Variants in EIPR1 observed in about 807,000 individuals in gnomAD.
EIPR1 encodes EARP and GARP complex-interacting protein 1.
EIPR1 carries 25 observed loss-of-function variants against 48.1 expected under a neutral mutation model. The observed-to-expected ratio is 0.52, with a 90% CI of 0.38 to 0.73. The LOEUF (loss-of-function observed/expected upper bound fraction) is 0.73, where lower values mean the gene tolerates loss of function less well. Ranked by LOEUF, EIPR1 falls within the 30% of genes least tolerant of loss-of-function variation. The probability of loss-of-function intolerance (pLI) is 0.00; values close to 1 mark genes in which losing one functional copy is unlikely to be tolerated. For synonymous variants in EIPR1, 204 were observed against 201.9 expected (o/e 1.01, Z -0.09); for missense variants, 415 against 506.2 (o/e 0.82, Z 1.73).
At chr2:3,275,500 T>G (rs1667820800) in intron 3 of EIPR1, among the ~76,000 whole-genome samples, 1 of 152,130 alleles carries the variant, frequency 6.6e-6, no homozygotes, top group African/African-American at 2.4e-5. Context: ...TATAAAAGAT[T>G]CAAACACAAC....
At chr2:3,215,337 G>C (rs1665594827) in intron 4 of EIPR1, among the ~76,000 whole-genome samples, 1 of 152,220 alleles carries the variant, frequency 6.6e-6, no homozygotes. Flanking sequence ...TACTGGACGA[G>C]ATGGGAGGAC....
In EIPR1 at chr2:3,304,598, A is replaced by G. The variant is rs796617364; in HGVS notation, c.259+33419T>C. Reference sequence around the variant, plus strand: ...CAGCCCTCCAATCCCGTCCAGTTCAACCTTCCACTCCCGTCCAATTCAGCC... The same window carrying G: ...CAGCCCTCCAATCCCGTCCAGTTCAGCCTTCCACTCCCGTCCAATTCAGCC... On this transcript the variant is annotated intron_variant, in intron 3 of 8. Transcript: ENST00000382125. Among the ~76,000 whole-genome samples the G allele has an allele frequency of 7.0e-4, 4 of 5,754 alleles. 1 individual carries two copies. Among genetic ancestry groups the G allele is most frequent in the Non-Finnish European group, 1.4e-3 (4 of 2,942 alleles). The allele number at this position is 5,754 out of a possible 152,430, so 3.8% of individuals were successfully genotyped here. A position where few individuals can be genotyped will look rare whatever the true frequency, so the allele number is the denominator to read the frequency against.
At chr2:3,343,768 GCCGAGTACAGAGCTGTGGGGCCGGGCCA>G (rs1403411247) in intron 2 of EIPR1, among the ~76,000 whole-genome samples, 4 of 152,324 alleles carry the variant, frequency 2.6e-5, no homozygotes, top group African/African-American at 4.8e-5. Flanking sequence ...GGGCCAGGCT[GCCGAGTACAGAGCTGTGGGGCCGGGCCA>G]CCGAGTACAG....
intron 3 of EIPR1, among the ~76,000 whole-genome samples, chr2:3,323,246 G>C (rs1010499218): frequency 6.6e-6 from 1 of 152,126 alleles, no homozygotes; most frequent in Non-Finnish European, 1.5e-5. Context: ...GGCTCAAGAC[G>C]TGGAATCCCC....
chr2:3,272,355 G>C (rs189960716), intron 3 of EIPR1, among the ~76,000 whole-genome samples: 67 of 152,320 alleles, frequency 4.4e-4, no homozygotes, highest in African/African-American at 1.5e-3. Context: ...GCAAGGCCCG[G>C]CTCTTGGTCT....
chr2:3,287,754 T>C (rs1315509469), intron 3 of EIPR1, among the ~76,000 whole-genome samples: 7 of 150,786 alleles, frequency 4.6e-5, no homozygotes, highest in African/African-American at 1.7e-4. Flanking sequence ...TCATTCACTA[T>C]GCTCCAGAAA....
Position 3,214,163 on chromosome 2 carries a change from A to G in EIPR1, c.502T>C (p.Ser168Pro), listed in dbSNP as rs1290504535. 6.2e-7 allele frequency: 1 copy of G among 1,613,790 alleles called. No individual in the cohort carries two copies. The highest frequency in any genetic ancestry group is 8.5e-7 in the Non-Finnish European group (1 of 1,179,816). Residue 168 changes from serine (S) to proline (P), a missense_variant, in exon 5 of 9, where the codon TCG becomes CCG. Coordinates refer to ENST00000382125, the MANE Select transcript of EIPR1 (RefSeq NM_003310.5). ...CTTTTACTTACCACAGCCTGGCTCG[A>G]GCTTTCCTGTAAATCCCACAGCAGG... ...HILLWDLQES[S>P]SQAVLASSAS...
At chr2:3,208,039 A>G (rs1665295690) in intron 5 of EIPR1, 1 of 153,896 alleles carries the variant, frequency 6.5e-6, no homozygotes, top group African/African-American at 2.4e-5. Context: ...TAAAGCTGAC[A>G]TTTATTTTAA....
chr2:3,353,520 G>C (rs1558316564), intron 2 of EIPR1, among the ~76,000 whole-genome samples: 1 of 152,196 alleles, frequency 6.6e-6, no homozygotes, highest in Non-Finnish European at 1.5e-5. Flanking sequence ...GGAAGTGTAT[G>C]AATCTGCCAT....
At chr2:3,317,147 C>T (rs1462684766) in intron 3 of EIPR1, among the ~76,000 whole-genome samples, 1 of 149,294 alleles carries the variant, frequency 6.7e-6, no homozygotes, top group Non-Finnish European at 1.5e-5. Flanking sequence ...GCCCCAGGAG[C>T]GCATGAGGCA....
intron 5 of EIPR1, among the ~76,000 whole-genome samples, chr2:3,198,697 G>A (rs13001207): frequency 0.86 from 131,004 of 152,108 alleles, 56,906 homozygotes; most frequent in Middle Eastern, 0.92. Flanking sequence ...CCCGTGAGCC[G>A]TAAAACCAGC....
At chr2:3,354,149 T>C (rs1204244845) in intron 2 of EIPR1, among the ~76,000 whole-genome samples, 1 of 152,160 alleles carries the variant, frequency 6.6e-6, no homozygotes, top group Non-Finnish European at 1.5e-5. Context: ...TCAAGTGGCC[T>C]GGGTCAAGTA....
intron 3 of EIPR1, among the ~76,000 whole-genome samples, chr2:3,280,015 TC>T (rs2103258178): frequency 6.6e-6 from 1 of 152,340 alleles, no homozygotes; most frequent in Non-Finnish European, 1.5e-5. Flanking sequence ...TTACTATTTA[TC>T]TTTCTATTTT....
chr2:3,251,573 C>T (rs758490521), intron 4 of EIPR1, among the ~76,000 whole-genome samples: 7 of 152,062 alleles, frequency 4.6e-5, no homozygotes, highest in African/African-American at 1.7e-4. Flanking sequence ...AACGAGAGCC[C>T]GCCACCCTAG....
At position 3,257,552 on chromosome 2, in the gene EIPR1, G is replaced by A. The variant is rs151330327; in HGVS notation, c.260-97C>T. ...ACATTTACACAAATCCATAAGCAGC[G>A]CGCATCTGCTCTTTAAAATATGTAC... is the stretch of plus-strand genomic sequence containing the variant. On this transcript the variant is annotated intron_variant, in intron 3 of 8. Coordinates refer to ENST00000382125, the MANE Select transcript of EIPR1 (RefSeq NM_003310.5). 1,137 of 1,431,834 alleles carry A rather than the reference G, an allele frequency of 7.9e-4. 6 individuals carry two copies. The African/African-American group carries it at 0.013, about 16-fold the overall frequency. 88.7% of individuals were successfully genotyped at this position (1,431,834 alleles called of 1,614,324 possible). A position where few individuals can be genotyped will look rare whatever the true frequency, so the allele number is the denominator to read the frequency against.
intron 3 of EIPR1, among the ~76,000 whole-genome samples, chr2:3,302,230 C>G (rs186492878): frequency 2.0e-5 from 3 of 152,320 alleles, no homozygotes; most frequent in East Asian, 1.9e-4. Context: ...AACGAGGGTG[C>G]CTCTGGGCCA....
rs140485846 is a variant in EIPR1 at position 3,265,694 on chromosome 2, G to A, written c.260-8239C>T. 3.7e-3 allele frequency among the ~76,000 whole-genome samples: 558 copies of A among 152,320 alleles called. 4 individuals carry two copies. Among genetic ancestry groups the A allele is most frequent in the Non-Finnish European group, 5.1e-3 (344 of 68,032 alleles). On this transcript the variant is annotated intron_variant, in intron 3 of 8. Transcript: ENST00000382125. Reference sequence around the variant, plus strand: ...CAGACATATGGCACAAACCGCAGCAGCACTGCCCACAGAAACTGTGTCTGT... The same window carrying A: ...CAGACATATGGCACAAACCGCAGCAACACTGCCCACAGAAACTGTGTCTGT...
chr2:3,290,648 A>C (rs1668337372), intron 3 of EIPR1, among the ~76,000 whole-genome samples: 1 of 151,922 alleles, frequency 6.6e-6, no homozygotes, highest in Non-Finnish European at 1.5e-5. Context: ...TCTAAAGAGG[A>C]GGGTGCTGGG....
chr2:3,199,037 C>T (rs973227635), intron 5 of EIPR1, among the ~76,000 whole-genome samples: 2 of 126,460 alleles, frequency 1.6e-5, no homozygotes, highest in Non-Finnish European at 3.5e-5. Context: ...ATGGCAGACA[C>T]CCCCAGAGTG....
Sources: gnomAD v4.1 joint callset for allele counts (sites outside exome capture counted in the v4.1 genomes callset) on GRCh38, gnomAD v4.1.1 for gene constraint, MANE v1.5 for transcripts, NCBI Gene and HGNC (gene_info 2026-07-23, HGNC 2026-07-21) for gene names.